Variants in NR1I2 observed in about 807,000 individuals in gnomAD.
NR1I2 encodes the protein orphan nuclear receptor PAR1.
A neutral mutation model predicts 43.3 loss-of-function variants in NR1I2; 42 were observed. That is an observed-to-expected ratio of 0.97 (90% CI 0.76 to 1.26). The LOEUF is 1.26. Among genes scored for constraint, NR1I2 ranks in the 50% most tolerant of loss-of-function variants. NR1I2 has a pLI of 0.00. For missense variants in NR1I2, 559 were observed against 566.7 expected (o/e 0.99, Z 0.14); for synonymous variants, 229 against 215.0 (o/e 1.06, Z -0.57).
At chr3:119,782,889 G>A (rs374421370) in intron 1 of NR1I2, 3 of 1,534,492 alleles carry the variant, frequency 2.0e-6, no homozygotes, top group African/African-American at 2.7e-5. Flanking sequence ...AGGGCACCTT[G>A]TCCCACAGAA....
At position 119,817,638 on chromosome 3, in the gene NR1I2, C is replaced by T; in HGVS notation, c.*426C>T. The stretch of plus-strand genomic sequence containing the variant: ...CGTTTGTTCGCTTCCTGAGTCTTTT[C>T]ATTGCTACCTCTAATAGTCCTGTCT... On this transcript the variant is annotated 3_prime_UTR_variant, in exon 9 of 9. Transcript: ENST00000393716. 1 of 1,142,024 alleles carries T rather than the reference C, an allele frequency of 8.8e-7. No homozygotes were observed. The highest frequency in any genetic ancestry group is 1.1e-6 in the Non-Finnish European group (1 of 918,788). The allele number at this position is 1,142,024 out of a possible 1,614,324, so 70.7% of individuals were successfully genotyped here.
chr3:119,800,940 G>A (rs1223519416), intron 1 of NR1I2, among the ~76,000 whole-genome samples: 5 of 152,190 alleles, frequency 3.3e-5, no homozygotes, highest in Non-Finnish European at 7.4e-5. Context: ...CAAACCTTGT[G>A]AAGGATGCAG....
intron 1 of NR1I2, among the ~76,000 whole-genome samples, chr3:119,787,273 G>T (rs1188440134): frequency 6.6e-6 from 1 of 150,882 alleles, no homozygotes; most frequent in Non-Finnish European, 1.5e-5. Context: ...AGGGGACAGA[G>T]TGAGACTGCC....
chr3:119,809,109 G>A (rs2055198937), intron 2 of NR1I2, among the ~76,000 whole-genome samples: 1 of 152,192 alleles, frequency 6.6e-6, no homozygotes, highest in Non-Finnish European at 1.5e-5. Context: ...CTACCTGGCT[G>A]TTCCATGCTC....
chr3:119,795,654 T>C (rs943792502), intron 1 of NR1I2, among the ~76,000 whole-genome samples: 1 of 152,192 alleles, frequency 6.6e-6, no homozygotes, highest in African/African-American at 2.4e-5. Context: ...TTTCTTTCAC[T>C]TGGCTTCTTG....
chr3:119,795,001 T>G (rs1420733177), intron 1 of NR1I2, among the ~76,000 whole-genome samples: 2 of 152,216 alleles, frequency 1.3e-5, no homozygotes, highest in Non-Finnish European at 2.9e-5. Context: ...CCAAATTGTG[T>G]AAGCCTCAGA....
At chr3:119,815,898 C>T in intron 8 of NR1I2, 67 bp downstream of exon 8, 1 of 1,344,246 alleles carries the variant, frequency 7.4e-7, no homozygotes, top group Non-Finnish European at 1.0e-6. Flanking sequence ...GGGAAATTGC[C>T]CAAGACTTCA....
chr3:119,785,994 T>G (rs1487552255), intron 1 of NR1I2, among the ~76,000 whole-genome samples: 1 of 152,222 alleles, frequency 6.6e-6, no homozygotes, highest in African/African-American at 2.4e-5. Context: ...ACCAAGAATT[T>G]TAAATCATGA....
At chr3:119,808,137 G>A (rs1393566713) in intron 2 of NR1I2, among the ~76,000 whole-genome samples, 1 of 152,250 alleles carries the variant, frequency 6.6e-6, no homozygotes, top group Non-Finnish European at 1.5e-5. Flanking sequence ...CAGGACACTT[G>A]TCGCCAATTG....
chr3:119,786,405 G>C (rs2054843341), intron 1 of NR1I2, among the ~76,000 whole-genome samples: 1 of 152,152 alleles, frequency 6.6e-6, no homozygotes, highest in South Asian at 2.1e-4. Context: ...GAACCTCTTT[G>C]AAACATCGAT....
At chr3:119,804,099 C>T (rs911388641) in intron 1 of NR1I2, among the ~76,000 whole-genome samples, 39 of 148,178 alleles carry the variant, frequency 2.6e-4, no homozygotes, top group East Asian at 4.4e-4. Context: ...TGGCCAGGCA[C>T]GGTGGCTCAC....
At chr3:119,787,792 C>T (rs1350938726) in intron 1 of NR1I2, among the ~76,000 whole-genome samples, 1 of 151,520 alleles carries the variant, frequency 6.6e-6, no homozygotes, top group Admixed American at 6.6e-5. Flanking sequence ...TGTATACACA[C>T]ATAATTAAAT....
rs1049676321 is a variant in NR1I2 at position 119,782,341 on chromosome 3, G to A, written c.-23+41G>A. 2.4e-5 allele frequency: 4 copies of A among 169,716 alleles called. No individual in the cohort carries two copies. The East Asian group carries it at 5.9e-4, about 25-fold the overall frequency. The allele number at this position is 169,716 out of a possible 1,614,324, so 10.5% of individuals were successfully genotyped here. On this transcript the variant is annotated intron_variant, in intron 1 of 8. Transcript: ENST00000393716. Reference sequence around the variant, plus strand: ...CTTTCTCTTTTGCTGGGGGCTGACCGCCCTTCAGCTCCAGCCAAAAGATGT... The same window carrying A: ...CTTTCTCTTTTGCTGGGGGCTGACCACCCTTCAGCTCCAGCCAAAAGATGT...
chr3:119,807,552 T>C, intron 2 of NR1I2, 105 bp downstream of exon 2: 1 of 969,114 alleles, frequency 1.0e-6, no homozygotes, highest in Non-Finnish European at 1.6e-6. Flanking sequence ...TGTGGGCTGG[T>C]GGCCCACCCA....
chr3:119,813,168 G>A (rs1317946953), intron 5 of NR1I2, among the ~76,000 whole-genome samples: 2 of 152,222 alleles, frequency 1.3e-5, no homozygotes, highest in Non-Finnish European at 2.9e-5. Context: ...GGGCCTGCCA[G>A]TGTCTCTGCC....
intron 2 of NR1I2, among the ~76,000 whole-genome samples, chr3:119,809,585 G>T (rs1438754750): frequency 7.4e-5 from 11 of 148,976 alleles, no homozygotes; most frequent in Non-Finnish European, 1.0e-4. Context: ...GGGTGGGGCG[G>T]GCTTCTCTGG....
At chr3:119,783,383 G>A (rs1215107233) in intron 1 of NR1I2, among the ~76,000 whole-genome samples, 1 of 151,536 alleles carries the variant, frequency 6.6e-6, no homozygotes, top group African/African-American at 2.4e-5. Flanking sequence ...TTCAACTCTG[G>A]CCATATCATT....
chr3:119,808,871 T>G (rs1304366998), intron 2 of NR1I2, among the ~76,000 whole-genome samples: 3 of 152,222 alleles, frequency 2.0e-5, no homozygotes, highest in Admixed American at 2.0e-4. Context: ...CTTTAAATAA[T>G]GTGAGCCCCG....
intron 8 of NR1I2, 56 bp downstream of exon 8, chr3:119,815,887 A>G: frequency 6.9e-7 from 1 of 1,440,166 alleles, no homozygotes; most frequent in Non-Finnish European, 9.6e-7. Flanking sequence ...GCCGAGGTTC[A>G]GGGAAATTGC....
Sources: gnomAD v4.1 joint callset for allele counts (sites outside exome capture counted in the v4.1 genomes callset) on GRCh38, gnomAD v4.1.1 for gene constraint, MANE v1.5 for transcripts, NCBI Gene and HGNC (gene_info 2026-07-23, HGNC 2026-07-21) for gene names.